FSTL4: variants seen among roughly 807,000 people sequenced by gnomAD.
FSTL4 encodes follistatin-related protein 4.
Under a neutral mutation model 78.2 loss-of-function variants are expected in FSTL4, and 28 were observed. The ratio of observed to expected loss-of-function variants is 0.36; its 90% CI spans 0.27 to 0.49. The LOEUF (loss-of-function observed/expected upper bound fraction) is 0.49, where lower values mean the gene tolerates loss of function less well. Among genes scored for constraint, FSTL4 ranks in the 20% least tolerant of loss-of-function variants. The probability of loss-of-function intolerance (pLI) is 0.98; values close to 1 mark genes in which losing one functional copy is unlikely to be tolerated. For synonymous variants in FSTL4, 422 were observed against 440.5 expected (o/e 0.96, Z 0.53); for missense variants, 922 against 1,084.9 (o/e 0.85, Z 2.11).
intron 6 of FSTL4, among the ~76,000 whole-genome samples, chr5:133,263,171 G>A (rs556437332): frequency 2.2e-4 from 34 of 152,264 alleles, no homozygotes; most frequent in African/African-American, 7.9e-4. Context: ...TGAGGGTTAG[G>A]GTAGACATTT....
At chr5:133,311,010 C>A (rs13156095) in intron 6 of FSTL4, among the ~76,000 whole-genome samples, 1 of 152,038 alleles carries the variant, frequency 6.6e-6, no homozygotes, top group Non-Finnish European at 1.5e-5. Context: ...GTATAACAAC[C>A]GGCTCCCTAG....
At chr5:133,386,690 AG>A (rs1755707548) in intron 4 of FSTL4, among the ~76,000 whole-genome samples, 1 of 152,180 alleles carries the variant, frequency 6.6e-6, no homozygotes, top group East Asian at 1.9e-4. Context: ...GAAATTTGGC[AG>A]GGGGCAGAGG....
At chr5:133,460,874 G>A in intron 3 of FSTL4, among the ~76,000 whole-genome samples, 1 of 152,146 alleles carries the variant, frequency 6.6e-6, no homozygotes. Context: ...AGTTAAATCT[G>A]TTTCCTTCAG....
intron 3 of FSTL4, among the ~76,000 whole-genome samples, chr5:133,415,307 C>T (rs984245108): frequency 2.7e-4 from 41 of 152,336 alleles, no homozygotes; most frequent in Non-Finnish European, 4.0e-4. Context: ...GCTTTACCCT[C>T]CACTGTCGTT....
the FSTL4 span, among the ~76,000 whole-genome samples, chr5:133,655,787 G>T: frequency 6.6e-6 from 1 of 152,198 alleles, no homozygotes; most frequent in Non-Finnish European, 1.5e-5. Context: ...AATTGCAAAA[G>T]ATGTTTATGG....
intron 3 of FSTL4, among the ~76,000 whole-genome samples, chr5:133,461,979 C>T (rs1757603638): frequency 6.6e-6 from 1 of 152,216 alleles, no homozygotes; most frequent in Admixed American, 6.5e-5. Flanking sequence ...TCCTGCCAAG[C>T]ACAGGCCCTG....
At chr5:133,303,555 G>C (rs1753595990) in intron 6 of FSTL4, among the ~76,000 whole-genome samples, 1 of 152,186 alleles carries the variant, frequency 6.6e-6, no homozygotes, top group African/African-American at 2.4e-5. Context: ...TCTTCACCCA[G>C]TCAGTCACTA....
chr5:133,664,380 C>G, the FSTL4 span, among the ~76,000 whole-genome samples: 1 of 152,018 alleles, frequency 6.6e-6, no homozygotes, highest in East Asian at 1.9e-4. Context: ...TATAGTGTCC[C>G]AAAACGAATC....
the FSTL4 span, among the ~76,000 whole-genome samples, chr5:133,829,276 A>G: frequency 6.6e-6 from 1 of 152,184 alleles, no homozygotes; most frequent in Non-Finnish European, 1.5e-5. Context: ...ATGTGCCTGT[A>G]GTCCCAGCTA....
chr5:133,612,000 C>T lies in FSTL4; in HGVS notation c.-11+325G>A, dbSNP rs536981268. 1.3e-5 allele frequency among the ~76,000 whole-genome samples: 2 copies of T among 152,132 alleles called. No individual in the cohort carries two copies. The highest frequency in any genetic ancestry group is 6.5e-5 in the Admixed American group (1 of 15,300). ...AGCTGCGGGCTCGGCCCGAGCGCTT[C>T]TGCGTGGCGCCCCGCGTGCCAACCG... On this transcript the variant is annotated intron_variant, in intron 1 of 15. Transcript: ENST00000265342. The surrounding 1 kb of genome is among the most constrained non-coding windows in gnomAD (Gnocchi z 4.9).
chr5:133,298,173 C>A (rs1753448628), intron 6 of FSTL4, among the ~76,000 whole-genome samples: 1 of 152,226 alleles, frequency 6.6e-6, no homozygotes, highest in Non-Finnish European at 1.5e-5. Flanking sequence ...ACGATAGTTC[C>A]TCTCTCATAG....
intron 3 of FSTL4, among the ~76,000 whole-genome samples, chr5:133,409,272 C>T (rs765320690): frequency 5.3e-5 from 8 of 152,154 alleles, no homozygotes; most frequent in Non-Finnish European, 1.2e-4. Flanking sequence ...GCTGGCCTGC[C>T]AGAGGAACCC....
At chr5:133,488,766 G>T (rs747076702) in intron 3 of FSTL4, among the ~76,000 whole-genome samples, 1 of 152,160 alleles carries the variant, frequency 6.6e-6, no homozygotes, top group African/African-American at 2.4e-5. Context: ...GTGGGTATGG[G>T]GGTGTTGGCT....
chr5:133,266,997 G>A (rs1283063154), intron 6 of FSTL4, among the ~76,000 whole-genome samples: 1 of 152,224 alleles, frequency 6.6e-6, no homozygotes, highest in Non-Finnish European at 1.5e-5. Context: ...GTCCCCACAA[G>A]TCACACAGGT....
the FSTL4 span, among the ~76,000 whole-genome samples, chr5:133,663,360 C>G: frequency 6.6e-6 from 1 of 152,208 alleles, no homozygotes; most frequent in Non-Finnish European, 1.5e-5. Flanking sequence ...ATGAAGGGAA[C>G]TAACTCTACA....
chr5:133,499,126 C>T (rs1006601133), intron 3 of FSTL4, among the ~76,000 whole-genome samples: 1 of 152,114 alleles, frequency 6.6e-6, no homozygotes, highest in Non-Finnish European at 1.5e-5. Context: ...TTCGACCACA[C>T]AGTTGCAGAC....
chr5:133,422,839 T>C (rs1338976659), intron 3 of FSTL4, among the ~76,000 whole-genome samples: 1 of 152,260 alleles, frequency 6.6e-6, no homozygotes, highest in African/African-American at 2.4e-5. Flanking sequence ...TGAAAATATG[T>C]GTTTAATTGG....
At chr5:133,551,903 G>A (rs1759698282) in intron 3 of FSTL4, among the ~76,000 whole-genome samples, 1 of 152,170 alleles carries the variant, frequency 6.6e-6, no homozygotes, top group African/African-American at 2.4e-5. Flanking sequence ...AACTTACATA[G>A]AGAGGCACAA....
chr5:133,739,621 G>C, the FSTL4 span, among the ~76,000 whole-genome samples: 2 of 152,174 alleles, frequency 1.3e-5, no homozygotes, highest in Non-Finnish European at 2.9e-5. Context: ...AAATCTTCAA[G>C]GGTCCTCAGG....
Sources: gnomAD v4.1 joint callset for allele counts (sites outside exome capture counted in the v4.1 genomes callset) on GRCh38, gnomAD v4.1.1 for gene constraint, Gnocchi (gnomAD v3.1) non-coding constraint, MANE v1.5 for transcripts, NCBI Gene and HGNC (gene_info 2026-07-23, HGNC 2026-07-21) for gene names.